Variants in SH3TC1 observed in about 807,000 individuals in gnomAD.
SH3TC1 encodes SH3 domain and tetratricopeptide repeat-containing protein 1.
SH3TC1 carries 135 observed loss-of-function variants against 117.3 expected under a neutral mutation model. That is an observed-to-expected ratio of 1.15 (90% CI 1.00 to 1.33). The LOEUF is 1.33. Among genes scored for constraint, SH3TC1 ranks in the 40% most tolerant of loss-of-function variants. SH3TC1 has a pLI of 0.00. For missense variants in SH3TC1, 2,092 were observed against 1,794.3 expected (o/e 1.17, Z -3.00); for synonymous variants, 898 against 816.9 (o/e 1.10, Z -1.69).
rs894239417 is a variant in SH3TC1 at position 8,225,459 on chromosome 4, G to A, written c.1285+243G>A. ...ACATGCTGGCCCCCGCCTGGTCCCCGCCCAAGATGGAGCATCCTTTCCACT... is the reference window on the plus strand; with the variant it reads ...ACATGCTGGCCCCCGCCTGGTCCCCACCCAAGATGGAGCATCCTTTCCACT... On this transcript the variant is annotated intron_variant, in intron 11 of 17. Coordinates refer to ENST00000245105, the MANE Select transcript of SH3TC1 (RefSeq NM_018986.5). This position sits in a 1 kb window ranked among gnomAD's most constrained non-coding sequence, Gnocchi z 5.5. Among the ~76,000 whole-genome samples, 9 of 152,134 alleles carry A rather than the reference G, an allele frequency of 5.9e-5. No homozygotes were observed. Among genetic ancestry groups the A allele is most frequent in the Admixed American group, 5.2e-4 (8 of 15,290 alleles).
At chr4:8,194,503 A>G (rs1717502772), upstream of SH3TC1, among the ~76,000 whole-genome samples, 1 of 152,190 alleles carries the variant, frequency 6.6e-6, no homozygotes, top group Admixed American at 6.5e-5. Flanking sequence ...TTCCGCCCTC[A>G]GGGAAAGCCT....
chr4:8,236,204 T>A, intron 15 of SH3TC1, 74 bp from the exon 16 acceptor site: 2 of 1,449,366 alleles, frequency 1.4e-6, no homozygotes, highest in South Asian at 2.7e-5. Context: ...TCCGAGCACA[T>A]GTTTGAGCTC....
chr4:8,218,311 A>G lies in SH3TC1; in HGVS notation c.880A>G (p.Met294Val), dbSNP rs2152986757. 1.2e-6 allele frequency: 2 copies of G among 1,612,186 alleles called. No individual in the cohort carries two copies. Among genetic ancestry groups the G allele is most frequent in the East Asian group, 2.2e-5 (1 of 44,822 alleles). The change falls in exon 8 of 18, where the codon ATG (methionine) becomes GTG (valine). Residue 294 changes from methionine to valine, a missense_variant. Coordinates refer to ENST00000245105, the MANE Select transcript of SH3TC1 (RefSeq NM_018986.5). ...RIPQDPIDDAMGGPVMPGNPL... is the reference protein window; with the variant it reads ...RIPQDPIDDAVGGPVMPGNPL... ...CCCCCAGGACCCCATCGACGATGCC[A>G]TGGGTGGCCCTGTGATGCCCGGCAA...
chr4:8,239,292 C>CACACACGGACACGCAGAG (rs1722102670), intron 17 of SH3TC1, among the ~76,000 whole-genome samples: 1 of 142,162 alleles, frequency 7.0e-6, no homozygotes, highest in African/African-American at 2.7e-5. Flanking sequence ...CATGGACATG[C>CACACACGGACACGCAGAG]ACACATGAGC....
At chr4:8,197,807 AG>A (rs1717610580), upstream of SH3TC1, among the ~76,000 whole-genome samples, 1 of 152,148 alleles carries the variant, frequency 6.6e-6, no homozygotes, top group Non-Finnish European at 1.5e-5. Flanking sequence ...GTGTGACTTG[AG>A]GGCTCACCGT....
At chr4:8,229,503 G>A (rs190824130) in intron 12 of SH3TC1, among the ~76,000 whole-genome samples, 103 of 130,072 alleles carry the variant, frequency 7.9e-4, no homozygotes, top group Non-Finnish European at 1.2e-3. Context: ...GTGAGCGGGG[G>A]TGTGAGCGGG....
At chr4:8,229,709 G>A (rs903833359) in intron 12 of SH3TC1, among the ~76,000 whole-genome samples, 10 of 151,912 alleles carry the variant, frequency 6.6e-5, no homozygotes, top group African/African-American at 2.2e-4. Context: ...AAGGAGGAGT[G>A]GGGGGGTTCA....
chr4:8,232,089 G>T lies in SH3TC1; in HGVS notation c.3064G>T (p.Asp1022Tyr), dbSNP rs745493760. Residue 1022 changes from aspartate to tyrosine, a missense_variant, in exon 13 of 18, where the codon GAC becomes TAC. Coordinates refer to ENST00000245105, the MANE Select transcript of SH3TC1 (RefSeq NM_018986.5). ...LQLSLACKVADKVLEGQLLET... is the reference protein window; with the variant it reads ...LQLSLACKVAYKVLEGQLLET... Reference sequence around the variant, plus strand: ...GCTCTCCCTGGCCTGCAAGGTGGCCGACAAGGTGCTGGAGGGGCAGCTCCT... The same window carrying T: ...GCTCTCCCTGGCCTGCAAGGTGGCCTACAAGGTGCTGGAGGGGCAGCTCCT... The T allele has an allele frequency of 1.2e-6, 2 of 1,612,718 alleles. No homozygotes were observed. The highest frequency in any genetic ancestry group is 2.7e-5 in the African/African-American group (2 of 74,818).
chr4:8,234,446 C>T (rs1712298), intron 14 of SH3TC1, among the ~76,000 whole-genome samples: 87,090 of 151,460 alleles, frequency 0.58, 25,294 homozygotes, highest in East Asian at 0.7. Context: ...ACATTATCCA[C>T]CCACCCATAC....
rs1437300032 is a variant in SH3TC1, at chr4:8,192,130, C to T, written c.-57+9920C>T. 2.6e-5 allele frequency among the ~76,000 whole-genome samples: 4 copies of T among 152,004 alleles called. No homozygotes were observed. The highest frequency in any genetic ancestry group is 9.7e-5 in the African/African-American group (4 of 41,346). ...TCTGCCTCCCAAGTAGCTAAGATTA[C>T]AGGCACCTGCCACCACACTCAGCTA... On this transcript the variant is annotated intron_variant, in intron 1 of 16. Transcript: ENST00000508641. The surrounding 1 kb of genome is among the most constrained non-coding windows in gnomAD (Gnocchi z 4.1).
intron 1 of SH3TC1, among the ~76,000 whole-genome samples, chr4:8,203,874 C>T (rs771317098): frequency 2.0e-5 from 3 of 152,194 alleles, no homozygotes; most frequent in East Asian, 1.9e-4. Flanking sequence ...CCTGATTTGC[C>T]TCCCAGTCCC....
At chr4:8,204,896 G>A in intron 1 of SH3TC1, 1 of 291,812 alleles carries the variant, frequency 3.4e-6, no homozygotes, top group Non-Finnish European at 6.3e-6. Context: ...GCCTCGACAG[G>A]GAAGGGGACT....
intron 16 of SH3TC1, chr4:8,237,180 C>T: frequency 2.7e-6 from 1 of 369,620 alleles, no homozygotes; most frequent in South Asian, 1.1e-4. Flanking sequence ...AGCGCGTGGG[C>T]TGCATGCCTT....
chr4:8,189,294 C>T (rs1281692218), intron 1 of SH3TC1, among the ~76,000 whole-genome samples: 1 of 152,260 alleles, frequency 6.6e-6, no homozygotes, highest in Non-Finnish European at 1.5e-5. Context: ...GCCCGCAGTG[C>T]AGGGGACCTG....
chr4:8,200,669 G>C (rs1717773049), intron 1 of SH3TC1, among the ~76,000 whole-genome samples: 1 of 152,232 alleles, frequency 6.6e-6, no homozygotes, highest in African/African-American at 2.4e-5. Context: ...TTCCCCTGCT[G>C]CCAGAGCGCA....
rs760146535 is a variant in SH3TC1, at chr4:8,236,346, G to A, written c.3474G>A (p.Leu1158=). The change falls in exon 16 of 18, where the codon CTG becomes CTA. Residue 1158 remains leucine, a synonymous_variant. Transcript: ENST00000245105. ...RKAELRLCNK[L]VALLATLEEP... is the part of the protein sequence containing the mutation. ...CGGAGCTGCGGCTGTGCAACAAGCT[G>A]GTGGCACTGCTGGCCACGCTGGAGG... is the stretch of plus-strand genomic sequence containing the variant. 9.7e-5 allele frequency: 150 copies of A among 1,551,686 alleles called. No homozygotes were observed. The highest frequency in any genetic ancestry group is 1.7e-5 in the Non-Finnish European group (20 of 1,147,844).
At chr4:8,203,277 C>CGT (rs112785929) in intron 1 of SH3TC1, among the ~76,000 whole-genome samples, 71,733 of 150,056 alleles carry the variant, frequency 0.48, 18,367 homozygotes, top group East Asian at 0.6. Flanking sequence ...TGTGCGGGTG[C>CGT]GTGTGTGTGT....
At position 8,216,111 on chromosome 4, in the gene SH3TC1, G is replaced by A. The variant is rs1413820264; in HGVS notation, c.482G>A (p.Gly161Asp). ...GGGTGACTGGGCCTGGCCTCCACAGGCTTCACTCATCACTGCCTGGCAAAC... is the reference window on the plus strand; with the variant it reads ...GGGTGACTGGGCCTGGCCTCCACAGACTTCACTCATCACTGCCTGGCAAAC... ...IWKFSTYHAL[G>D]FTHHCLANLL... Residue 161 changes from glycine (G) to aspartate (D), a missense_variant and splice_region_variant, in exon 6 of 18, where the codon GGC becomes GAC. Transcript: ENST00000245105. 6.2e-7 allele frequency: 1 copy of A among 1,612,910 alleles called. No individual in the cohort carries two copies. The highest frequency in any genetic ancestry group is 8.5e-7 in the Non-Finnish European group (1 of 1,179,916).
chr4:8,219,676 G>T, intron 9 of SH3TC1, 146 bp downstream of exon 9: 1 of 915,216 alleles, frequency 1.1e-6, no homozygotes, highest in Non-Finnish European at 1.5e-6. Context: ...TCAGGCTGCT[G>T]CCCCCTTGGC....
Sources: allele counts gnomAD v4.1 joint callset (sites outside exome capture counted in the v4.1 genomes callset), GRCh38; gene constraint gnomAD v4.1.1; non-coding constraint Gnocchi (gnomAD v3.1); transcripts MANE v1.5; gene names NCBI Gene and HGNC (gene_info 2026-07-23, HGNC 2026-07-21).